SAAL1: variants seen among roughly 807,000 people sequenced by gnomAD.
The protein encoded by SAAL1 is serum amyloid A like 1, also known as protein SAAL1.
Under a neutral mutation model 59.8 loss-of-function variants are expected in SAAL1, and 42 were observed. The ratio of observed to expected loss-of-function variants is 0.70; its 90% CI spans 0.55 to 0.91. The LOEUF (loss-of-function observed/expected upper bound fraction) is 0.91. SAAL1 is among the 40% of genes least tolerant of loss of function. The pLI is 0.00. For synonymous variants in SAAL1, 191 were observed against 194.3 expected (o/e 0.98, Z 0.14); for missense variants, 542 against 561.1 (o/e 0.97, Z 0.34).
rs1295768005 is a variant in SAAL1, at chr11:18,081,465, G to A, written c.1278C>T (p.Ser426=). 5 of 1,613,898 alleles carry A rather than the reference G, an allele frequency of 3.1e-6. No individual in the cohort carries two copies. ...VAQGVKEGQL[S]KQKCSSAFQN... ...GAAATGCAGAGGAACACTTCTGTTT[G>A]CTCAACTGGCCTTCCTTTACTCCCT... is the stretch of plus-strand genomic sequence containing the variant. The change falls in exon 11 of 12, where the codon AGC becomes AGT. Residue 426 remains serine (S), a synonymous_variant. Coordinates refer to ENST00000524803, the MANE Select transcript of SAAL1 (RefSeq NM_138421.3).
intron 2 of SAAL1, among the ~76,000 whole-genome samples, chr11:18,099,180 T>C (rs1240094203): frequency 1.3e-5 from 2 of 152,166 alleles, no homozygotes; most frequent in Non-Finnish European, 2.9e-5. Context: ...TTCACAGGCA[T>C]TATCATAGCT....
intron 10 of SAAL1, 184 bp from the exon 11 acceptor site, chr11:18,081,687 C>CT: frequency 1.7e-6 from 1 of 580,914 alleles, no homozygotes. Flanking sequence ...GTCGTCTTTA[C>CT]TTTAGTGAAG....
intron 6 of SAAL1, 56 bp from the exon 7 acceptor site, chr11:18,089,566 G>T: frequency 1.3e-6 from 2 of 1,499,472 alleles, no homozygotes; most frequent in Non-Finnish European, 1.8e-6. Flanking sequence ...AAGCAATAGG[G>T]TTAAGCAAAA....
Position 18,106,024 on chromosome 11 carries a change from C to G in SAAL1, c.18G>C (p.Ser6=), listed in dbSNP as rs1590294983. The G allele has an allele frequency of 6.2e-7, 1 of 1,607,308 alleles. No homozygotes were observed. The highest frequency in any genetic ancestry group is 8.5e-7 in the Non-Finnish European group (1 of 1,179,150). The change falls in exon 1 of 12, where the codon TCG becomes TCC. Residue 6 remains serine, a synonymous_variant. Coordinates refer to ENST00000524803, the MANE Select transcript of SAAL1 (RefSeq NM_138421.3). MDRNP[S]PPPPGRDKEE... is the part of the protein sequence containing the mutation. Reference sequence around the variant, plus strand: ...CCTTGTCGCGACCCGGCGGCGGCGGCGAGGGGTTGCGGTCCATGACTTTGT... The same window carrying G: ...CCTTGTCGCGACCCGGCGGCGGCGGGGAGGGGTTGCGGTCCATGACTTTGT...
chr11:18,099,976 T>G (rs565834945), intron 2 of SAAL1, among the ~76,000 whole-genome samples: 1 of 152,354 alleles, frequency 6.6e-6, no homozygotes, highest in East Asian at 1.9e-4. Context: ...AGGGCACCTC[T>G]TGTAAGGGAG....
intron 3 of SAAL1, among the ~76,000 whole-genome samples, chr11:18,096,371 G>A (rs1252779042): frequency 6.6e-6 from 1 of 152,060 alleles, no homozygotes; most frequent in Non-Finnish European, 1.5e-5. Flanking sequence ...CTTGAGGCCA[G>A]GAGTTCAAGA....
At chr11:18,081,164 G>A (rs7103885) in intron 11 of SAAL1, among the ~76,000 whole-genome samples, 63,392 of 151,804 alleles carry the variant, frequency 0.42, 13,912 homozygotes, top group African/African-American at 0.53. Context: ...CTCCTCCTGT[G>A]GTCCCCAGTG....
intron 3 of SAAL1, among the ~76,000 whole-genome samples, chr11:18,092,891 G>A (rs574578226): frequency 6.0e-4 from 91 of 152,266 alleles, no homozygotes; most frequent in African/African-American, 1.9e-3. Context: ...CTCTGGTGGC[G>A]AAATGCATAA....
chr11:18,086,376 T>C (rs1485190924), intron 9 of SAAL1, among the ~76,000 whole-genome samples: 2 of 152,116 alleles, frequency 1.3e-5, no homozygotes, highest in Non-Finnish European at 2.9e-5. Flanking sequence ...CACTACAGCC[T>C]GGGCAACAAA....
chr11:18,104,602 C>T (rs1043194343), intron 1 of SAAL1, among the ~76,000 whole-genome samples: 6 of 151,968 alleles, frequency 3.9e-5, no homozygotes, highest in Admixed American at 3.9e-4. Context: ...GGGAACCTTC[C>T]CTTAGGTGCT....
At chr11:18,097,681 A>C (rs1238301495) in intron 2 of SAAL1, among the ~76,000 whole-genome samples, 2 of 152,020 alleles carry the variant, frequency 1.3e-5, no homozygotes, top group Non-Finnish European at 2.9e-5. Flanking sequence ...TCCACAAAAA[A>C]TACGAAAATT....
At chr11:18,105,385 G>T (rs556461095) in intron 1 of SAAL1, among the ~76,000 whole-genome samples, 72 of 149,694 alleles carry the variant, frequency 4.8e-4, no homozygotes, top group Admixed American at 3.8e-3. Context: ...TGTTGCCCAG[G>T]CTGGTCTCAA....
At chr11:18,097,920 G>A (rs1325613197) in intron 2 of SAAL1, among the ~76,000 whole-genome samples, 6 of 151,922 alleles carry the variant, frequency 3.9e-5, no homozygotes, top group South Asian at 2.1e-4. Context: ...CAGGACAGGC[G>A]GATCACTTGA....
At chr11:18,095,665 A>C (rs1848567345) in intron 3 of SAAL1, among the ~76,000 whole-genome samples, 1 of 152,214 alleles carries the variant, frequency 6.6e-6, no homozygotes, top group African/African-American at 2.4e-5. Context: ...GCAGTTTTTC[A>C]TAATTATAAT....
chr11:18,081,604 T>G, intron 10 of SAAL1, 101 bp from the exon 11 acceptor site: 2 of 869,436 alleles, frequency 2.3e-6, no homozygotes, highest in Non-Finnish European at 3.8e-6. Context: ...CCTGACTTCA[T>G]AGGCATTTCA....
intron 4 of SAAL1, chr11:18,090,696 G>T: frequency 2.1e-6 from 1 of 476,670 alleles, no homozygotes. Flanking sequence ...CATCTTTGTA[G>T]TCACCATGTG....
intron 1 of SAAL1, among the ~76,000 whole-genome samples, chr11:18,103,931 C>G (rs1252305201): frequency 6.6e-6 from 1 of 152,130 alleles, no homozygotes; most frequent in East Asian, 1.9e-4. Flanking sequence ...TTAACACAAT[C>G]AAAGAATAAA....
intron 3 of SAAL1, among the ~76,000 whole-genome samples, chr11:18,093,186 C>T (rs1848540144): frequency 6.6e-6 from 1 of 152,046 alleles, no homozygotes; most frequent in South Asian, 2.1e-4. Context: ...TTCATGTCAC[C>T]CTTATTTTAC....
Position 18,080,491 on chromosome 11 carries a change from C to A in SAAL1, c.1333G>T (p.Val445Leu), listed in dbSNP as rs749482821. 1 of 1,574,572 alleles carries A rather than the reference C, an allele frequency of 6.4e-7. No individual in the cohort carries two copies. Among genetic ancestry groups the A allele is most frequent in the Non-Finnish European group, 8.6e-7 (1 of 1,166,960 alleles). ...QNLLPFYSPV[V>L]EDFIKILREV... ...CGTAGGATTTTAATAAAATCTTCCA[C>A]CTGTGAGTCAAACAAACAAACAAAA... Residue 445 changes from valine to leucine, a missense_variant and splice_region_variant, in exon 12 of 12, where the codon GTG becomes TTG. Val to Leu is a conservative substitution (Grantham distance 32). Transcript: ENST00000524803.
Sources: allele counts gnomAD v4.1 joint callset (sites outside exome capture counted in the v4.1 genomes callset), GRCh38; gene constraint gnomAD v4.1.1; transcripts MANE v1.5; gene names NCBI Gene and HGNC (gene_info 2026-07-23, HGNC 2026-07-21).